The following GPC5 variants were observed in gnomAD, a reference collection of about 807,000 sequenced individuals.
The protein encoded by GPC5 is glypican 5, also known as glypican-5.
Under a neutral mutation model 53.9 loss-of-function variants are expected in GPC5, and 47 were observed. The ratio of observed to expected loss-of-function variants is 0.87; its 90% CI spans 0.69 to 1.11. GPC5 has a LOEUF of 1.11. Among genes scored for constraint, GPC5 ranks in the 50% most tolerant of loss-of-function variants. The pLI is 0.00. For missense variants in GPC5, 748 were observed against 713.1 expected (o/e 1.05, Z -0.56); for synonymous variants, 286 against 263.3 (o/e 1.09, Z -0.84).
intron 2 of GPC5, among the ~76,000 whole-genome samples, chr13:91,627,648 G>A (rs2139403978): frequency 6.6e-6 from 1 of 151,982 alleles, no homozygotes; most frequent in East Asian, 1.9e-4. Flanking sequence ...GACACACTGG[G>A]GAGATCTCTA....
intron 6 of GPC5, among the ~76,000 whole-genome samples, chr13:92,015,326 C>G (rs2040697247): frequency 6.6e-6 from 1 of 152,156 alleles, no homozygotes; most frequent in Non-Finnish European, 1.5e-5. Context: ...TTCTAACTGT[C>G]TAAGGAAATA....
intron 7 of GPC5, among the ~76,000 whole-genome samples, chr13:92,187,884 T>C (rs867136659): frequency 6.6e-6 from 1 of 152,236 alleles, no homozygotes; most frequent in Non-Finnish European, 1.5e-5. Context: ...TGACTAAATG[T>C]GAAATAAAGT....
At chr13:92,549,855 G>A (rs1208369675) in intron 7 of GPC5, among the ~76,000 whole-genome samples, 3 of 149,870 alleles carry the variant, frequency 2.0e-5, no homozygotes, top group Non-Finnish European at 3.0e-5. Flanking sequence ...GGGTAAAAGG[G>A]GGAAAGTTTC....
In GPC5 at chr13:91,669,657, A is replaced by AT. The variant is rs570565412; in HGVS notation, c.326-23524dup. 3.2e-3 allele frequency among the ~76,000 whole-genome samples: 492 copies of AT among 152,270 alleles called. 4 individuals are homozygous for AT. The highest frequency in any genetic ancestry group is 0.011 in the African/African-American group (476 of 41,554). On this transcript the variant is annotated intron_variant, in intron 2 of 7. Coordinates refer to ENST00000377067, the MANE Select transcript of GPC5 (RefSeq NM_004466.6). ...GTATATCAAAACTGAAAGAAAGGTG[A>AT]TTTTTTATAAGGGGCAAGTTAGGTC... is the stretch of plus-strand genomic sequence containing the variant.
chr13:92,030,484 G>A (rs1314781270), intron 6 of GPC5, among the ~76,000 whole-genome samples: 2 of 152,134 alleles, frequency 1.3e-5, no homozygotes, highest in Non-Finnish European at 2.9e-5. Context: ...ACACCATGCA[G>A]GTTCAATAAC....
chr13:91,522,475 C>T (rs1460137154), intron 2 of GPC5, among the ~76,000 whole-genome samples: 1 of 152,124 alleles, frequency 6.6e-6, no homozygotes, highest in Non-Finnish European at 1.5e-5. Context: ...GCTGCGCACT[C>T]TTTTTTCTTT....
chr13:91,425,180 G>T (rs1878952882), intron 1 of GPC5, among the ~76,000 whole-genome samples: 1 of 152,170 alleles, frequency 6.6e-6, no homozygotes, highest in Admixed American at 6.5e-5. Flanking sequence ...AATGTATTTA[G>T]ATATAATAGC....
At chr13:91,461,404 G>T (rs1177261955) in intron 2 of GPC5, among the ~76,000 whole-genome samples, 2 of 152,116 alleles carry the variant, frequency 1.3e-5, no homozygotes, top group African/African-American at 4.8e-5. Flanking sequence ...CAAGGGTCTA[G>T]AGTTAAAGGG....
chr13:92,234,293 T>A (rs949564323), intron 7 of GPC5, among the ~76,000 whole-genome samples: 1 of 152,188 alleles, frequency 6.6e-6, no homozygotes, highest in Non-Finnish European at 1.5e-5. Context: ...AAAGTGTTCC[T>A]CTTTCTCCAC....
intron 1 of GPC5, among the ~76,000 whole-genome samples, chr13:91,447,327 A>G (rs1880875261): frequency 3.3e-5 from 5 of 150,736 alleles, no homozygotes; most frequent in Admixed American, 3.3e-4. Flanking sequence ...CTGAGAAGAT[A>G]GCTTTTTTTT....
chr13:92,797,316 T>G (rs1364647801), intron 7 of GPC5, among the ~76,000 whole-genome samples: 1 of 151,936 alleles, frequency 6.6e-6, no homozygotes, highest in Non-Finnish European at 1.5e-5. Context: ...GATCACTTAA[T>G]ATATGAATTT....
At chr13:92,202,944 A>C (rs910862610) in intron 7 of GPC5, among the ~76,000 whole-genome samples, 10 of 151,852 alleles carry the variant, frequency 6.6e-5, no homozygotes, top group Non-Finnish European at 1.5e-4. Flanking sequence ...AATTTACAAG[A>C]AAAAAAATTA....
intron 7 of GPC5, among the ~76,000 whole-genome samples, chr13:92,863,788 C>T (rs755952246): frequency 2.0e-5 from 3 of 152,104 alleles, no homozygotes; most frequent in African/African-American, 7.2e-5. Context: ...CCACTGCTCT[C>T]GGCCTACCAT....
chr13:92,385,753 G>GTATA (rs1874667652), intron 7 of GPC5, among the ~76,000 whole-genome samples: 9 of 103,814 alleles, frequency 8.7e-5, no homozygotes, highest in African/African-American at 3.0e-4. Flanking sequence ...ATATATACAC[G>GTATA]TGTATATATA....
chr13:92,217,158 A>T (rs1316663897), intron 7 of GPC5, among the ~76,000 whole-genome samples: 1 of 152,148 alleles, frequency 6.6e-6, no homozygotes, highest in Admixed American at 6.5e-5. Flanking sequence ...AGGCATGAAC[A>T]GTGCATTCGC....
intron 6 of GPC5, among the ~76,000 whole-genome samples, chr13:92,038,332 A>C (rs2040910654): frequency 1.3e-5 from 2 of 149,758 alleles, no homozygotes; most frequent in Admixed American, 6.7e-5. Flanking sequence ...ATTGGAGTTT[A>C]TGAGCATGAT....
intron 2 of GPC5, among the ~76,000 whole-genome samples, chr13:91,522,294 C>G (rs533634785): frequency 3.9e-5 from 6 of 152,300 alleles, no homozygotes; most frequent in African/African-American, 1.4e-4. Flanking sequence ...CAGTCCCTAT[C>G]CTGAAGCCCC....
At chr13:91,925,771 A>G (rs1277660471) in intron 6 of GPC5, among the ~76,000 whole-genome samples, 1 of 152,178 alleles carries the variant, frequency 6.6e-6, no homozygotes, top group Non-Finnish European at 1.5e-5. Context: ...AAAAAGAGGA[A>G]TCCCCTTTGT....
chr13:92,091,857 G>A (rs554379811), intron 6 of GPC5, among the ~76,000 whole-genome samples: 10 of 151,228 alleles, frequency 6.6e-5, no homozygotes, highest in South Asian at 2.1e-4. Context: ...AGATATTTAC[G>A]TTCTTCCCAT....
Sources: allele counts gnomAD v4.1 joint callset (sites outside exome capture counted in the v4.1 genomes callset), GRCh38; gene constraint gnomAD v4.1.1; transcripts MANE v1.5; gene names NCBI Gene and HGNC (gene_info 2026-07-23, HGNC 2026-07-21).